GPM6A: variants seen among roughly 807,000 people sequenced by gnomAD.
GPM6A encodes glycoprotein M6A, also known as neuronal membrane glycoprotein M6-a.
GPM6A carries 7 observed loss-of-function variants against 32.1 expected under a neutral mutation model. The ratio of observed to expected loss-of-function variants is 0.22; its 90% CI spans 0.12 to 0.41. GPM6A has a LOEUF of 0.41. GPM6A is among the 10% of genes least tolerant of loss of function. The pLI, the probability that GPM6A is intolerant of heterozygous loss-of-function variation, is 1.00. For missense variants in GPM6A, 235 were observed against 347.2 expected, an observed-to-expected ratio of 0.68 and a Z score of 2.57; for synonymous variants, 130 against 123.4, an observed-to-expected ratio of 1.05 and a Z score of -0.35.
chr4:175,658,311 A>C lies in GPM6A; in HGVS notation c.388-6324T>G, dbSNP rs186349531. On this transcript the variant is annotated intron_variant, in intron 3 of 6. Coordinates refer to ENST00000393658, the MANE Select transcript of GPM6A (RefSeq NM_201591.3). ...AATGCATATGACTGAAAAAAAAAAA[A>C]CAATCTGAAAAGGTCATTCACTTAC... Among the ~76,000 whole-genome samples, 29 of 151,960 alleles carry C rather than the reference A, an allele frequency of 1.9e-4. No homozygotes were observed. The East Asian group carries it at 4.6e-3, about 24-fold the overall frequency.
chr4:175,648,951 G>A (rs916890744), intron 4 of GPM6A, among the ~76,000 whole-genome samples: 2 of 152,174 alleles, frequency 1.3e-5, no homozygotes, highest in Non-Finnish European at 2.9e-5. Flanking sequence ...TCAGGAATCA[G>A]AATGTGTACA....
chr4:175,871,142 T>C (rs1302031013), intron 1 of GPM6A, among the ~76,000 whole-genome samples: 2 of 151,906 alleles, frequency 1.3e-5, no homozygotes, highest in Non-Finnish European at 2.9e-5. Flanking sequence ...GAGCAAACAG[T>C]TCGAACCAAA....
intron 1 of GPM6A, among the ~76,000 whole-genome samples, chr4:175,975,230 TA>T (rs1740625140): frequency 6.6e-6 from 1 of 152,226 alleles, no homozygotes; most frequent in Non-Finnish European, 1.5e-5. Flanking sequence ...TTGGAAAGAC[TA>T]ACTAAAGTTC....
At position 175,690,872 on chromosome 4, in the gene GPM6A, T is replaced by C. The variant is rs1292182947; in HGVS notation, c.230+10703A>G. 2.0e-5 allele frequency among the ~76,000 whole-genome samples: 3 copies of C among 152,340 alleles called. No homozygotes were observed. The East Asian group carries it at 5.8e-4, about 29-fold the overall frequency. ...ATCAGCCTGTCACAAGCTATAGACT[T>C]CATTGAAGTTGAATGCTAATTCCTT... On this transcript the variant is annotated intron_variant, in intron 2 of 6. Transcript: ENST00000393658.
At chr4:175,995,374 T>C (rs1741271943) in intron 1 of GPM6A, among the ~76,000 whole-genome samples, 2 of 128,792 alleles carry the variant, frequency 1.6e-5, no homozygotes, top group Non-Finnish European at 3.2e-5. Context: ...CCTTTCAATT[T>C]GTAAAAAAAA....
intron 1 of GPM6A, among the ~76,000 whole-genome samples, chr4:175,870,692 T>C (rs1031334136): frequency 1.3e-5 from 2 of 152,122 alleles, no homozygotes; most frequent in Non-Finnish European, 2.9e-5. Flanking sequence ...GAAAATTTGC[T>C]CTTTGGGAAA....
chr4:175,761,771 A>G (rs932415553), intron 1 of GPM6A, among the ~76,000 whole-genome samples: 22 of 151,688 alleles, frequency 1.5e-4, no homozygotes, highest in Admixed American at 1.2e-3. Context: ...AATAACATCA[A>G]CAGTTTCTCA....
chr4:175,934,993 T>C (rs555691094), intron 1 of GPM6A, among the ~76,000 whole-genome samples: 1 of 152,324 alleles, frequency 6.6e-6, no homozygotes, highest in African/African-American at 2.4e-5. Flanking sequence ...AATTCGAAAG[T>C]TAATATTAAG....
chr4:175,930,434 GTT>G (rs66737053), intron 1 of GPM6A, among the ~76,000 whole-genome samples: 51 of 106,830 alleles, frequency 4.8e-4, no homozygotes, highest in Admixed American at 1.2e-3. Flanking sequence ...TTGGGGGGGG[GTT>G]TTTTTGTTGT....
chr4:175,889,737 C>T (rs777256588), intron 1 of GPM6A, among the ~76,000 whole-genome samples: 6 of 151,530 alleles, frequency 4.0e-5, no homozygotes, highest in South Asian at 4.2e-4. Flanking sequence ...GGCGTGAACC[C>T]GGGAGGCGGA....
At chr4:175,638,788 C>A (rs1044255732) in intron 6 of GPM6A, among the ~76,000 whole-genome samples, 4 of 152,060 alleles carry the variant, frequency 2.6e-5, no homozygotes, top group African/African-American at 9.7e-5. Context: ...TTTTTGACAG[C>A]ATAGAAATGG....
chr4:175,986,812 CT>C lies in GPM6A; in HGVS notation c.-23+15496del, dbSNP rs541647413. The stretch of plus-strand genomic sequence containing the variant: ...ACATGTCATGCAAGAGCCCCACCCC[CT>C]AATTGAGCTCTTGTTGATCAATGCA... On this transcript the variant is annotated intron_variant, in intron 1 of 7. Coordinates refer to the GPM6A transcript ENST00000280187. Among the ~76,000 whole-genome samples the C allele has an allele frequency of 5.3e-5, 8 of 152,284 alleles. No homozygotes were observed. In the East Asian group the frequency reaches 5.8e-4, roughly 11 times the overall value.
chr4:175,937,557 T>A (rs1739279464), intron 1 of GPM6A, among the ~76,000 whole-genome samples: 1 of 152,106 alleles, frequency 6.6e-6, no homozygotes, highest in Non-Finnish European at 1.5e-5. Context: ...CTTAAAATGT[T>A]TGATTAATGA....
At chr4:175,642,460 T>C (rs1381560575) in intron 4 of GPM6A, among the ~76,000 whole-genome samples, 2 of 152,218 alleles carry the variant, frequency 1.3e-5, no homozygotes, top group Non-Finnish European at 2.9e-5. Flanking sequence ...AGTCAGATTT[T>C]GCCCTAACCC....
At chr4:175,759,308 A>T (rs1732650935) in intron 1 of GPM6A, among the ~76,000 whole-genome samples, 1 of 152,142 alleles carries the variant, frequency 6.6e-6, no homozygotes, top group East Asian at 1.9e-4. Flanking sequence ...GGGGGGGGCA[A>T]GAGAAAATAG....
intron 1 of GPM6A, among the ~76,000 whole-genome samples, chr4:175,958,986 C>A (rs961103901): frequency 1.3e-5 from 2 of 152,092 alleles, no homozygotes; most frequent in Non-Finnish European, 2.9e-5. Flanking sequence ...AATAAAATTG[C>A]CTGGAATCCC....
chr4:175,769,094 C>CTAAA (rs200558712), intron 1 of GPM6A, among the ~76,000 whole-genome samples: 4,295 of 152,030 alleles, frequency 0.028, 94 homozygotes, highest in African/African-American at 0.045. Flanking sequence ...GACTCTGTCT[C>CTAAA]TAAATAAATA....
chr4:175,814,129 T>G (rs1735028671), upstream of GPM6A, among the ~76,000 whole-genome samples: 1 of 152,234 alleles, frequency 6.6e-6, no homozygotes, highest in African/African-American at 2.4e-5. Context: ...TTTTATACCA[T>G]GGAAATCATT....
chr4:175,673,591 ATACT>A (rs1743200175), intron 3 of GPM6A, 85 bp downstream of exon 3: 1 of 903,600 alleles, frequency 1.1e-6, no homozygotes. Flanking sequence ...TGAAAAAAAA[ATACT>A]TTAATTCTTG....
Sources: allele counts gnomAD v4.1 joint callset (sites outside exome capture counted in the v4.1 genomes callset), GRCh38; gene constraint gnomAD v4.1.1; transcripts MANE v1.5; gene names NCBI Gene and HGNC (gene_info 2026-07-23, HGNC 2026-07-21).